YARS1: variants seen among roughly 807,000 people sequenced by gnomAD.
The protein encoded by YARS1 is tyrosine--tRNA ligase, cytoplasmic.
In YARS1, 36 loss-of-function variants were observed where a neutral mutation model predicts 62.2. That is an observed-to-expected ratio of 0.58 (90% CI 0.44 to 0.76). The LOEUF (loss-of-function observed/expected upper bound fraction) is 0.76, where lower values mean the gene tolerates loss of function less well. Ranked by LOEUF, YARS1 falls within the 30% of genes least tolerant of loss-of-function variation. YARS1 has a pLI of 0.00. For synonymous variants in YARS1, 234 were observed against 244.9 expected (o/e 0.96, Z 0.42); for missense variants, 524 against 639.8 (o/e 0.82, Z 1.95).
intron 6 of YARS1, among the ~76,000 whole-genome samples, chr1:32,789,330 T>C (rs750856978): frequency 3.3e-5 from 5 of 152,222 alleles, no homozygotes; most frequent in African/African-American, 7.2e-5. Flanking sequence ...TTGAAAGGTA[T>C]CCTAATCAAC....
intron 1 of YARS1, among the ~76,000 whole-genome samples, chr1:32,813,553 C>G (rs570393065): frequency 5.3e-4 from 81 of 152,334 alleles, no homozygotes; most frequent in South Asian, 3.1e-3. Flanking sequence ...CTCCTGACCT[C>G]AAATGATCCA....
rs1026216397 is a variant in YARS1 at position 32,775,252 on chromosome 1, A to G, written c.*729T>C. 2 of 152,448 alleles carry G rather than the reference A, an allele frequency of 1.3e-5. No homozygotes were observed. Among genetic ancestry groups the G allele is most frequent in the African/African-American group, 2.4e-5 (1 of 41,436 alleles). 9.4% of individuals were successfully genotyped at this position (152,448 alleles called of 1,614,324 possible). A position where few individuals can be genotyped will look rare whatever the true frequency, so the allele number is the denominator to read the frequency against. On this transcript the variant is annotated 3_prime_UTR_variant, in exon 13 of 13. Transcript: ENST00000373477. ...CACATCCAGACACCCTTGTTCAGAC[A>G]TTTTATTTGAATTTATGACAGTGAT...
At chr1:32,780,471 C>T in intron 10 of YARS1, 193 bp from the exon 11 acceptor site, 2 of 640,206 alleles carry the variant, frequency 3.1e-6, no homozygotes, top group South Asian at 3.7e-5. Flanking sequence ...CTGCTCTCAA[C>T]TGAGGCCAGA....
chr1:32,794,591 T>C (rs2148608181), intron 5 of YARS1, among the ~76,000 whole-genome samples: 1 of 151,938 alleles, frequency 6.6e-6, no homozygotes, highest in South Asian at 2.1e-4. Context: ...GGTTTCATCA[T>C]GTTGGCCAGG....
At chr1:32,783,736 A>G (rs779669246) in intron 8 of YARS1, 8 of 152,162 alleles carry the variant, frequency 5.3e-5, no homozygotes, top group Non-Finnish European at 8.8e-5. Context: ...CTACTTCTTC[A>G]TTTCCTTGGG....
intron 4 of YARS1, among the ~76,000 whole-genome samples, chr1:32,798,963 G>A (rs1363953613): frequency 6.6e-6 from 1 of 152,224 alleles, no homozygotes; most frequent in Non-Finnish European, 1.5e-5. Context: ...TCCAGCTGGG[G>A]AGAGACATGT....
chr1:32,779,658 G>A, intron 11 of YARS1, 135 bp from the exon 12 acceptor site: 1 of 1,157,428 alleles, frequency 8.6e-7, no homozygotes, highest in Non-Finnish European at 1.3e-6. Context: ...GCCCCAGGAG[G>A]TCCTCTTATC....
chr1:32,809,028 TC>T (rs1346262489), intron 3 of YARS1, among the ~76,000 whole-genome samples: 2 of 152,196 alleles, frequency 1.3e-5, no homozygotes, highest in Non-Finnish European at 2.9e-5. Flanking sequence ...TTTCAGGTAC[TC>T]TACGAAGGCT....
rs1432771905 is a variant in YARS1, at chr1:32,782,475, A to G, written c.971T>C (p.Ile324Thr). 6.2e-7 allele frequency: 1 copy of G among 1,614,006 alleles called. No homozygotes were observed. Among genetic ancestry groups the G allele is most frequent in the Non-Finnish European group, 8.5e-7 (1 of 1,180,016 alleles). Residue 324 changes from isoleucine to threonine, a missense_variant, in exon 9 of 13, where the codon ATC becomes ACC. By Grantham distance (89) the Ile-to-Thr change is moderately conservative. Transcript: ENST00000373477. ...GGCAGGGGTATTAAACTTTTCCCGGATTGGATCCAGCAACTTGTTCAGTGC... is the reference window on the plus strand; with the variant it reads ...GGCAGGGGTATTAAACTTTTCCCGGGTTGGATCCAGCAACTTGTTCAGTGC... ...EVALNKLLDP[I>T]REKFNTPALK...
intron 1 of YARS1, among the ~76,000 whole-genome samples, chr1:32,815,124 G>A (rs1165513740): frequency 2.0e-5 from 3 of 152,096 alleles, no homozygotes; most frequent in Non-Finnish European, 2.9e-5. Flanking sequence ...CGAATTTGGC[G>A]GATAACTTGA....
intron 3 of YARS1, among the ~76,000 whole-genome samples, chr1:32,808,338 G>A: frequency 6.6e-6 from 1 of 151,526 alleles, no homozygotes; most frequent in Non-Finnish European, 1.5e-5. Context: ...TCCTGCCTCA[G>A]CCTCCTGAGT....
At chr1:32,804,981 G>C (rs1029041834) in intron 4 of YARS1, among the ~76,000 whole-genome samples, 2 of 152,184 alleles carry the variant, frequency 1.3e-5, no homozygotes, top group East Asian at 3.9e-4. Flanking sequence ...CTGCAATCCC[G>C]GCACCTCGGG....
At position 32,806,854 on chromosome 1, in the gene YARS1, T is replaced by C. The variant is rs1003746786; in HGVS notation, c.381-243A>G. On this transcript the variant is annotated intron_variant, in intron 3 of 12. Transcript: ENST00000373477. The stretch of plus-strand genomic sequence containing the variant: ...AGGGTGAGGATTCAAAAACTACCTA[T>C]TGGGTATTGTGCTGATTACCTGGGT... 2.6e-5 allele frequency among the ~76,000 whole-genome samples: 4 copies of C among 152,316 alleles called. No individual in the cohort carries two copies. In the South Asian group the frequency reaches 6.2e-4, roughly 24 times the overall value.
intron 5 of YARS1, among the ~76,000 whole-genome samples, chr1:32,793,508 G>C (rs1653479393): frequency 6.6e-6 from 1 of 152,154 alleles, no homozygotes. Flanking sequence ...GCCAGGTGTG[G>C]TGGCACATGC....
intron 12 of YARS1, among the ~76,000 whole-genome samples, chr1:32,778,572 G>C (rs945506817): frequency 1.3e-5 from 2 of 150,310 alleles, no homozygotes; most frequent in East Asian, 2.0e-4. Flanking sequence ...GCGCCCGGCC[G>C]ATTTTTTTCT....
At chr1:32,797,931 C>A in intron 4 of YARS1, 88 bp from the exon 5 acceptor site, 1 of 1,176,462 alleles carries the variant, frequency 8.5e-7, no homozygotes. Flanking sequence ...AGTGCTGTGG[C>A]GTGATCTCGG....
intron 1 of YARS1, 100 bp downstream of exon 1, chr1:32,817,088 T>C: frequency 6.8e-7 from 1 of 1,477,560 alleles, no homozygotes; most frequent in South Asian, 1.1e-5. Context: ...CAGCGCCGAG[T>C]CCCCGGCCCC....
rs565286232 is a variant in YARS1, at chr1:32,817,176, C to A, written c.57+12G>T. Reference sequence around the variant, plus strand: ...AATCCCCAACGGCGCATTTCCAACCCCCAGGCCTGACCTGCAGGTTCCGGG... The same window carrying A: ...AATCCCCAACGGCGCATTTCCAACCACCAGGCCTGACCTGCAGGTTCCGGG... On this transcript the variant is annotated intron_variant, in intron 1 of 12. Coordinates refer to ENST00000373477, the MANE Select transcript of YARS1 (RefSeq NM_003680.4). 1.9e-6 allele frequency: 3 copies of A among 1,614,154 alleles called. No homozygotes were observed. The highest frequency in any genetic ancestry group is 2.5e-6 in the Non-Finnish European group (3 of 1,179,968).
chr1:32,779,861 T>C, intron 11 of YARS1: 1 of 642,078 alleles, frequency 1.6e-6, no homozygotes, highest in South Asian at 1.9e-5. Context: ...TATGTACTGG[T>C]TTGAGCCCTC....
Sources: allele counts gnomAD v4.1 joint callset (sites outside exome capture counted in the v4.1 genomes callset), GRCh38; gene constraint gnomAD v4.1.1; transcripts MANE v1.5; gene names NCBI Gene and HGNC (gene_info 2026-07-23, HGNC 2026-07-21).